Variants in KRTAP4-9 observed in about 807,000 individuals in gnomAD.
KRTAP4-9 encodes the protein keratin associated protein 4-9.
In KRTAP4-9, 4 loss-of-function variants were observed where a neutral mutation model predicts 4.3. That is an observed-to-expected ratio of 0.94 (90% CI 0.46 to 2.15). The LOEUF is 2.15. Ranked by LOEUF, KRTAP4-9 falls within the 30% of genes most tolerant of loss-of-function variation. KRTAP4-9 has a pLI of 0.02. For missense variants in KRTAP4-9, 297 were observed against 278.5 expected, an observed-to-expected ratio of 1.07 and a Z score of -0.47; for synonymous variants, 111 against 99.2, an observed-to-expected ratio of 1.12 and a Z score of -0.70.
exon 1 of KRTAP4-9, chr17:41,105,400 C>A (rs751082560): frequency 6.2e-7 from 1 of 1,600,832 alleles, no homozygotes; most frequent in Non-Finnish European, 8.5e-7. Context: ...TGGTCAGCTC[C>A]TGTTGTGGCT....
At chr17:41,106,383 G>A (rs964926095) in exon 1 of KRTAP4-9, 3 of 347,764 alleles carry the variant, frequency 8.6e-6, no homozygotes, top group African/African-American at 2.1e-5. Context: ...CACTGAGGTT[G>A]CACCCTCAGA....
rs572636137 is a variant in KRTAP4-9, at chr17:41,105,585, G to A, written c.197G>A (p.Arg66His). The change falls in exon 1 of 1, where the codon CGC becomes CAC. Residue 66 changes from arginine (R) to histidine (H), a missense_variant. Coordinates refer to ENST00000391415, the Ensembl canonical transcript of KRTAP4-9. ...GTGTGCTGCCAACCCACTTGTTCCC[G>A]CCCCAGCTGCTGTCAGACCACCTGT... 1.8e-5 allele frequency: 29 copies of A among 1,567,776 alleles called. 1 individual carries two copies. In the East Asian group the frequency reaches 5.9e-4, roughly 32 times the overall value.
exon 1 of KRTAP4-9, chr17:41,106,285 A>G (rs1161201150): frequency 3.2e-6 from 2 of 632,464 alleles, no homozygotes; most frequent in Middle Eastern, 4.4e-4. Flanking sequence ...AATTATTCCA[A>G]TCCTCTAATT....
rs750265230 is a variant in KRTAP4-9 at position 41,105,413 on chromosome 17, G to A, written c.25G>A (p.Val9Met). ...CATGGTCAGCTCCTGTTGTGGCTCC[G>A]TGTGCTCTGACCAGGGCTGCGGCCA... Residue 9 changes from valine (V) to methionine (M), a missense_variant, in exon 1 of 1, where the codon GTG becomes ATG. Physicochemically the swap from Val to Met is conservative, Grantham distance 21 (BLOSUM62 1). Coordinates refer to ENST00000391415, the Ensembl canonical transcript of KRTAP4-9. 14 of 1,608,412 alleles carry A rather than the reference G, an allele frequency of 8.7e-6. No homozygotes were observed. In the East Asian group the frequency reaches 8.9e-5, roughly 10 times the overall value.
exon 1 of KRTAP4-9, chr17:41,105,836 T>G: frequency 1.2e-6 from 2 of 1,610,014 alleles, no homozygotes. Flanking sequence ...GCCCAACTGC[T>G]GCCGCCCCAG....
rs1293875186 is a variant in KRTAP4-9, at chr17:41,106,040, T to C, written c.*19T>C. On this transcript the variant is annotated 3_prime_UTR_variant, in exon 1 of 1. Coordinates refer to ENST00000391415, the Ensembl canonical transcript of KRTAP4-9. Reference sequence around the variant, plus strand: ...CTGCTGAGCCCACTGCCCTGGCTTATCTCCCCCTTCACCACTGGCCCACAG... The same window carrying C: ...CTGCTGAGCCCACTGCCCTGGCTTACCTCCCCCTTCACCACTGGCCCACAG... 2.0e-5 allele frequency: 31 copies of C among 1,559,946 alleles called. No homozygotes were observed. The South Asian group carries it at 2.4e-4, about 12-fold the overall frequency.
At chr17:41,106,235 T>C in exon 1 of KRTAP4-9, 1 of 841,374 alleles carries the variant, frequency 1.2e-6, no homozygotes, top group Non-Finnish European at 1.8e-6. Context: ...CTTCCGGTGG[T>C]GGCACCAAAT....
At chr17:41,105,436 C>T (rs1464888787) in exon 1 of KRTAP4-9, 30 of 1,613,132 alleles carry the variant, frequency 1.9e-5, no homozygotes, top group Non-Finnish European at 2.4e-5. Flanking sequence ...AGGGCTGCGG[C>T]CAAGACCTCT....
At chr17:41,105,424 C>T (rs1597984636) in exon 1 of KRTAP4-9, 4 of 1,612,176 alleles carry the variant, frequency 2.5e-6, no homozygotes, top group Non-Finnish European at 2.5e-6. Context: ...TGTGCTCTGA[C>T]CAGGGCTGCG....
chr17:41,105,892 C>T (rs1382962799), exon 1 of KRTAP4-9: 1 of 1,601,690 alleles, frequency 6.2e-7, no homozygotes, highest in Non-Finnish European at 8.5e-7. Context: ...GTGAATCCAG[C>T]TGCTGCCGCC....
At chr17:41,106,203 C>T in exon 1 of KRTAP4-9, 2 of 1,138,888 alleles carry the variant, frequency 1.8e-6, no homozygotes, top group Non-Finnish European at 2.4e-6. Flanking sequence ...TCATTTTAAA[C>T]TCCCTCCCTT....
At position 41,105,985 on chromosome 17, in the gene KRTAP4-9, C is replaced by A. The variant is rs773263411; in HGVS notation, c.597C>A (p.Cys199Ter). 49 of 1,591,802 alleles carry A rather than the reference C, an allele frequency of 3.1e-5. No homozygotes were observed. In the Admixed American group the frequency reaches 8.5e-4, roughly 28 times the overall value. ...GCCCAACCTGTGTCATCTCCAGCTG[C>A]CCCCGCCCCTTGTGCTGTGCCTCCT... Residue 199 changes from cysteine to a stop codon, truncating the protein, a stop_gained, in exon 1 of 1, where the codon TGC (cysteine) becomes TGA (stop). Coordinates refer to ENST00000391415, the Ensembl canonical transcript of KRTAP4-9. LOFTEE classifies it high-confidence loss of function.
At position 41,105,677 on chromosome 17, in the gene KRTAP4-9, C is replaced by T. The variant is rs532380081; in HGVS notation, c.289C>T (p.Pro97Ser). 9.8e-4 allele frequency: 1,534 copies of T among 1,558,396 alleles called. 42 individuals carry two copies. Among genetic ancestry groups the T allele is most frequent in the African/African-American group, 9.4e-3 (636 of 67,490 alleles). ...CTGCTGCAGGCCCCAGTGCTGCCAG[C>T]CTGCGTGCTGCCAACCCACTTGCTG... The change falls in exon 1 of 1, where the codon CCT (proline) becomes TCT (serine). Residue 97 changes from proline to serine, a missense_variant. Transcript: ENST00000391415.
At position 41,106,233 on chromosome 17, in the gene KRTAP4-9, G is replaced by A. The variant is rs1238362476; in HGVS notation, c.*212G>A. 9.3e-6 allele frequency: 8 copies of A among 859,804 alleles called. No homozygotes were observed. The Admixed American group carries it at 1.6e-4, about 18-fold the overall frequency. The allele number at this position is 859,804 out of a possible 1,614,324, so 53.3% of individuals were successfully genotyped here. On this transcript the variant is annotated 3_prime_UTR_variant, in exon 1 of 1. Transcript: ENST00000391415. ...TCCCTTGCTTTCTTTTTCTTCCGGT[G>A]GTGGCACCAAATGTGAATTAATTTG...
chr17:41,106,118 G>C (rs1379273729), exon 1 of KRTAP4-9: 8 of 1,466,150 alleles, frequency 5.5e-6, no homozygotes, highest in Non-Finnish European at 7.2e-6. Context: ...TGGGGTTGAT[G>C]TCATTCAATA....
rs1425593328 is a variant in KRTAP4-9 at position 41,105,472 on chromosome 17, C to G, written c.84C>G (p.Ser28Arg). Residue 28 changes from serine (S) to arginine (R), a missense_variant, in exon 1 of 1, where the codon AGC becomes AGG. Physicochemically the swap from Ser to Arg is moderately radical, Grantham distance 110. Coordinates refer to ENST00000391415, the Ensembl canonical transcript of KRTAP4-9. ...GTCAGGAGACCTGCTGCCGCCCCAGCTGCTGTGAGACCACCTGCTGCAGGA... is the reference window on the plus strand; with the variant it reads ...GTCAGGAGACCTGCTGCCGCCCCAGGTGCTGTGAGACCACCTGCTGCAGGA... 7 of 1,603,216 alleles carry G rather than the reference C, an allele frequency of 4.4e-6. 1 individual carries two copies. The African/African-American group carries it at 6.8e-5, about 16-fold the overall frequency.
Position 41,105,989 on chromosome 17 carries a change from C to T in KRTAP4-9, c.601C>T (p.Arg201Cys), listed in dbSNP as rs1354310604. Residue 201 changes from arginine to cysteine, a missense_variant, in exon 1 of 1, where the codon CGC becomes TGC. Arg to Cys is a radical substitution (Grantham distance 180). Coordinates refer to ENST00000391415, the Ensembl canonical transcript of KRTAP4-9. ...AACCTGTGTCATCTCCAGCTGCCCC[C>T]GCCCCTTGTGCTGTGCCTCCTCTTG... is the stretch of plus-strand genomic sequence containing the variant. 2.0e-5 allele frequency: 32 copies of T among 1,592,942 alleles called. No homozygotes were observed. In the East Asian group the frequency reaches 2.7e-4, roughly 14 times the overall value.
At chr17:41,105,601 G>A (rs1191620853) in exon 1 of KRTAP4-9, 2 of 1,566,038 alleles carry the variant, frequency 1.3e-6, no homozygotes, top group African/African-American at 1.5e-5. Context: ...GCTGCTGTCA[G>A]ACCACCTGTT....
exon 1 of KRTAP4-9, chr17:41,105,619 C>G: frequency 1.9e-6 from 3 of 1,596,660 alleles, no homozygotes; most frequent in Non-Finnish European, 2.5e-6. Flanking sequence ...GTTGCAGGAC[C>G]ACCTGCTACC....
Sources: allele counts gnomAD v4.1 joint callset, GRCh38; gene constraint gnomAD v4.1.1; transcripts MANE v1.5; gene names NCBI Gene and HGNC (gene_info 2026-07-23, HGNC 2026-07-21).